LHFPL3: variants seen among roughly 807,000 people sequenced by gnomAD.
LHFPL3 encodes the protein LHFPL tetraspan subfamily member 3 protein.
LHFPL3 carries 5 observed loss-of-function variants against 19.3 expected under a neutral mutation model. That is an observed-to-expected ratio of 0.26 (90% CI 0.14 to 0.54). The LOEUF (loss-of-function observed/expected upper bound fraction) is 0.54, where lower values mean the gene tolerates loss of function less well. LHFPL3 is among the 20% of genes least tolerant of loss of function. The probability of loss-of-function intolerance (pLI) is 0.94; values close to 1 mark genes in which losing one functional copy is unlikely to be tolerated. For missense variants in LHFPL3, 249 were observed against 307.4 expected (o/e 0.81, Z 1.42); for synonymous variants, 133 against 126.2 (o/e 1.05, Z -0.36).
At chr7:104,858,772 G>T (rs940850687) in intron 2 of LHFPL3, among the ~76,000 whole-genome samples, 1 of 151,890 alleles carries the variant, frequency 6.6e-6, no homozygotes, top group Non-Finnish European at 1.5e-5. Context: ...CCTCCCCTTG[G>T]GTCCCTCCAG....
At chr7:104,679,013 G>A (rs924925590) in intron 1 of LHFPL3, among the ~76,000 whole-genome samples, 1 of 152,076 alleles carries the variant, frequency 6.6e-6, no homozygotes, top group East Asian at 1.9e-4. Flanking sequence ...TTATTGTTAC[G>A]TGACAAATTA....
At chr7:104,532,782 G>C (rs561257102) in intron 1 of LHFPL3, among the ~76,000 whole-genome samples, 75 of 152,260 alleles carry the variant, frequency 4.9e-4, no homozygotes, top group African/African-American at 1.7e-3. Context: ...TCTTAGCATA[G>C]ACATATACAT....
intron 1 of LHFPL3, among the ~76,000 whole-genome samples, chr7:104,722,864 GT>G (rs897217192): frequency 3.8e-4 from 58 of 152,182 alleles, no homozygotes; most frequent in African/African-American, 1.2e-3. Context: ...CAATTTATCA[GT>G]TTTTTTGTGC....
Position 104,366,162 on chromosome 7 carries a change from A to C in LHFPL3, c.445+36938A>C, listed in dbSNP as rs193118343. Reference sequence around the variant, plus strand: ...GTTCTTTGGGCACAAGAGTGTGGGAAAGATGGAAAGGAAGTTTTGGACACT... The same window carrying C: ...GTTCTTTGGGCACAAGAGTGTGGGACAGATGGAAAGGAAGTTTTGGACACT... On this transcript the variant is annotated intron_variant, in intron 1 of 2. Coordinates refer to ENST00000424859, the MANE Select transcript of LHFPL3 (RefSeq NM_199000.3). Among the ~76,000 whole-genome samples, 21 of 152,286 alleles carry C rather than the reference A, an allele frequency of 1.4e-4. No homozygotes were observed. In the East Asian group the frequency reaches 4.1e-3, roughly 29 times the overall value.
At chr7:104,702,340 A>G (rs975836755) in intron 1 of LHFPL3, among the ~76,000 whole-genome samples, 7 of 152,028 alleles carry the variant, frequency 4.6e-5, no homozygotes, top group African/African-American at 1.7e-4. Flanking sequence ...ATTATTTTGG[A>G]TTCCTTCAGT....
At chr7:104,454,764 C>T (rs1458591420) in intron 1 of LHFPL3, among the ~76,000 whole-genome samples, 2 of 152,148 alleles carry the variant, frequency 1.3e-5, no homozygotes, top group Admixed American at 6.5e-5. Flanking sequence ...TCCTCCCCAA[C>T]CCATAAATGC....
intron 1 of LHFPL3, among the ~76,000 whole-genome samples, chr7:104,362,629 T>C (rs550452681): frequency 6.6e-6 from 1 of 152,264 alleles, no homozygotes; most frequent in East Asian, 1.9e-4. Flanking sequence ...ACTGCCCAGA[T>C]AGAGCCAATT....
At chr7:104,457,943 C>A (rs1372598261) in intron 1 of LHFPL3, among the ~76,000 whole-genome samples, 3 of 142,746 alleles carry the variant, frequency 2.1e-5, no homozygotes, top group South Asian at 2.3e-4. Flanking sequence ...ATATCCTTCA[C>A]CCACTTTTTG....
intron 1 of LHFPL3, among the ~76,000 whole-genome samples, chr7:104,389,337 C>A (rs115263642): frequency 6.6e-6 from 1 of 151,874 alleles, no homozygotes; most frequent in African/African-American, 2.4e-5. Context: ...ACTTGCAGAC[C>A]GAAAACTACA....
At chr7:104,555,498 A>G (rs1207776316) in intron 1 of LHFPL3, among the ~76,000 whole-genome samples, 1 of 152,152 alleles carries the variant, frequency 6.6e-6, no homozygotes, top group East Asian at 1.9e-4. Context: ...CACTTTTAAA[A>G]CCATCAGATC....
At chr7:104,753,984 T>C (rs1039557636) in intron 2 of LHFPL3, among the ~76,000 whole-genome samples, 88 of 152,184 alleles carry the variant, frequency 5.8e-4, no homozygotes, top group Non-Finnish European at 7.8e-4. Flanking sequence ...GACATGCCAA[T>C]TCTGCTCCTG....
chr7:104,856,375 G>A (rs941998292), intron 2 of LHFPL3, among the ~76,000 whole-genome samples: 5 of 149,320 alleles, frequency 3.3e-5, no homozygotes, highest in Non-Finnish European at 7.4e-5. Context: ...TCAGCCTCCC[G>A]AGTAGCCGGG....
chr7:104,366,300 A>T (rs1790494918), intron 1 of LHFPL3, among the ~76,000 whole-genome samples: 1 of 152,194 alleles, frequency 6.6e-6, no homozygotes, highest in East Asian at 1.9e-4. Flanking sequence ...GAGAAGATGG[A>T]GGAAGAGGGG....
chr7:104,581,816 G>A (rs1231970689), intron 1 of LHFPL3, among the ~76,000 whole-genome samples: 1 of 151,876 alleles, frequency 6.6e-6, no homozygotes, highest in Non-Finnish European at 1.5e-5. Context: ...TTATATTTCA[G>A]CTCTCTATTT....
chr7:104,842,176 C>G (rs1467754076), intron 2 of LHFPL3, among the ~76,000 whole-genome samples: 1 of 79,678 alleles, frequency 1.3e-5, no homozygotes, highest in Non-Finnish European at 2.8e-5. Flanking sequence ...CACACACACA[C>G]AATCCTTTAA....
intron 2 of LHFPL3, among the ~76,000 whole-genome samples, chr7:104,760,931 GA>G (rs11451788): frequency 1.1e-5 from 1 of 91,488 alleles, no homozygotes; most frequent in African/African-American, 4.6e-5. Context: ...TATCACATCA[GA>G]AAAAAAAAAA....
At chr7:104,575,559 T>TAAAAAAAAAAAAAAAAAAA (rs58118006) in intron 1 of LHFPL3, among the ~76,000 whole-genome samples, 21 of 36,172 alleles carry the variant, frequency 5.8e-4, no homozygotes, top group African/African-American at 1.2e-3. Flanking sequence ...CAAAGAGATC[T>TAAAAAAAAAAAAAAAAAAA]AAAAAAAAAA....
intron 1 of LHFPL3, among the ~76,000 whole-genome samples, chr7:104,662,302 A>G (rs1792238307): frequency 6.6e-6 from 1 of 152,292 alleles, no homozygotes; most frequent in African/African-American, 2.4e-5. Flanking sequence ...AACCATCTTC[A>G]GATAATAATT....
At chr7:104,516,155 G>T (rs1238095193) in intron 1 of LHFPL3, among the ~76,000 whole-genome samples, 1 of 152,142 alleles carries the variant, frequency 6.6e-6, no homozygotes, top group Non-Finnish European at 1.5e-5. Context: ...AATCATGGCA[G>T]AAGGGGAAAC....
Sources: gnomAD v4.1 joint callset for allele counts (sites outside exome capture counted in the v4.1 genomes callset) on GRCh38, gnomAD v4.1.1 for gene constraint, MANE v1.5 for transcripts, NCBI Gene and HGNC (gene_info 2026-07-23, HGNC 2026-07-21) for gene names.